RCAN1: variants seen among roughly 807,000 people sequenced by gnomAD.
The protein encoded by RCAN1 is regulator of calcineurin 1.
RCAN1 carries 11 observed loss-of-function variants against 22.9 expected under a neutral mutation model. The observed-to-expected ratio is 0.48, with a 90% CI of 0.30 to 0.79. RCAN1 has a LOEUF of 0.79. Ranked by LOEUF, RCAN1 falls within the 30% of genes least tolerant of loss-of-function variation. The pLI is 0.06. For synonymous variants in RCAN1, 136 were observed against 142.3 expected, an observed-to-expected ratio of 0.96 and a Z score of 0.32; for missense variants, 291 against 337.8, an observed-to-expected ratio of 0.86 and a Z score of 1.09.
chr21:34,589,710 G>GC (rs1555870161), intron 1 of RCAN1, among the ~76,000 whole-genome samples: 6 of 45,488 alleles, frequency 1.3e-4, no homozygotes, highest in Admixed American at 2.4e-4. Flanking sequence ...GAGAACAAAA[G>GC]GGGGGAGTCT....
intron 1 of RCAN1, among the ~76,000 whole-genome samples, chr21:34,592,624 C>T (rs149544683): frequency 4.0e-4 from 61 of 152,268 alleles, no homozygotes; most frequent in African/African-American, 1.4e-3. Context: ...TACTCTACGC[C>T]GGGACTCCAG....
intron 1 of RCAN1, among the ~76,000 whole-genome samples, chr21:34,549,148 T>C (rs1402372522): frequency 6.6e-6 from 1 of 152,128 alleles, no homozygotes; most frequent in Non-Finnish European, 1.5e-5. Flanking sequence ...GGCGTGTCTC[T>C]GGCCAGGGAC....
intron 1 of RCAN1, among the ~76,000 whole-genome samples, chr21:34,533,730 G>A (rs1051562823): frequency 5.3e-5 from 8 of 152,212 alleles, no homozygotes; most frequent in African/African-American, 9.7e-5. Context: ...AGAGCAGCGC[G>A]GAGGGGCAGA....
chr21:34,582,523 A>G (rs1987650441), intron 1 of RCAN1, among the ~76,000 whole-genome samples: 1 of 152,208 alleles, frequency 6.6e-6, no homozygotes, highest in South Asian at 2.1e-4. Context: ...GCTTTGAGGA[A>G]GGGACCACAC....
At chr21:34,535,336 T>C (rs1357879928) in intron 1 of RCAN1, among the ~76,000 whole-genome samples, 1 of 152,138 alleles carries the variant, frequency 6.6e-6, no homozygotes, top group Non-Finnish European at 1.5e-5. Flanking sequence ...TTTCTCTTAG[T>C]ATTGCTCTCT....
chr21:34,550,666 T>C (rs1432122468), intron 1 of RCAN1, among the ~76,000 whole-genome samples: 3 of 152,180 alleles, frequency 2.0e-5, no homozygotes, highest in Middle Eastern at 3.2e-3. Context: ...ACCCAGTCTG[T>C]AGTATTCATC....
intron 1 of RCAN1, among the ~76,000 whole-genome samples, chr21:34,580,496 T>C (rs964057985): frequency 6.6e-6 from 1 of 152,226 alleles, no homozygotes; most frequent in Non-Finnish European, 1.5e-5. Context: ...ACAGCTCACT[T>C]GCCCGGCTAT....
At position 34,539,281 on chromosome 21, in the gene RCAN1, C is replaced by T. The variant is rs190452393; in HGVS notation, c.253-15571G>A. On this transcript the variant is annotated intron_variant, in intron 1 of 3. Coordinates refer to ENST00000313806, the MANE Select transcript of RCAN1 (RefSeq NM_004414.7). The stretch of plus-strand genomic sequence containing the variant: ...TATGTAAATAAAATACATCAAGATC[C>T]GTGATCAGATAATATACATGCTAAA... Among the ~76,000 whole-genome samples, 11 of 152,148 alleles carry T rather than the reference C, an allele frequency of 7.2e-5. No individual in the cohort carries two copies. In the East Asian group the frequency reaches 1.7e-3, roughly 24 times the overall value.
At chr21:34,527,711 T>C (rs1985152847) in intron 1 of RCAN1, among the ~76,000 whole-genome samples, 1 of 152,172 alleles carries the variant, frequency 6.6e-6, no homozygotes, top group Non-Finnish European at 1.5e-5. Context: ...GAGGTTGCAA[T>C]TTTTTGAATT....
chr21:34,572,244 T>G (rs746280317), intron 1 of RCAN1, among the ~76,000 whole-genome samples: 21 of 152,182 alleles, frequency 1.4e-4, no homozygotes, highest in Non-Finnish European at 3.1e-4. Flanking sequence ...GAGGACTAGG[T>G]TGTCCGAGGG....
chr21:34,557,225 A>T (rs9979743), intron 1 of RCAN1, among the ~76,000 whole-genome samples: 33,117 of 152,102 alleles, frequency 0.22, 3,934 homozygotes, highest in African/African-American at 0.28. Context: ...AAAATAAAAT[A>T]AAATTAAATT....
intron 1 of RCAN1, among the ~76,000 whole-genome samples, chr21:34,587,845 G>C (rs970328185): frequency 6.6e-6 from 1 of 152,150 alleles, no homozygotes; most frequent in Admixed American, 6.5e-5. Flanking sequence ...CAGGTGTTTT[G>C]AGATGCGATT....
intron 1 of RCAN1, among the ~76,000 whole-genome samples, chr21:34,585,169 A>G (rs549058519): frequency 2.0e-4 from 30 of 152,350 alleles, no homozygotes; most frequent in Admixed American, 7.8e-4. Context: ...ATAATCACTT[A>G]CTTTGGTGAT....
intron 1 of RCAN1, among the ~76,000 whole-genome samples, chr21:34,539,637 C>T (rs1188676768): frequency 6.6e-6 from 1 of 152,150 alleles, no homozygotes; most frequent in Non-Finnish European, 1.5e-5. Context: ...TTAACAGACA[C>T]AATATGTAAG....
chr21:34,548,186 C>T (rs1476574994), intron 1 of RCAN1, among the ~76,000 whole-genome samples: 1 of 152,194 alleles, frequency 6.6e-6, no homozygotes, highest in Non-Finnish European at 1.5e-5. Context: ...AGCTTTGGAA[C>T]CAGGATTCTG....
chr21:34,548,712 T>C (rs977716424), intron 1 of RCAN1, among the ~76,000 whole-genome samples: 1 of 152,224 alleles, frequency 6.6e-6, no homozygotes, highest in African/African-American at 2.4e-5. Context: ...ACATTATTCA[T>C]GATAATTTAA....
chr21:34,551,258 A>G (rs1401578350), intron 1 of RCAN1, among the ~76,000 whole-genome samples: 1 of 152,114 alleles, frequency 6.6e-6, no homozygotes, highest in Admixed American at 6.5e-5. Context: ...GATGGTGTGT[A>G]TGAAGGTCTG....
intron 1 of RCAN1, among the ~76,000 whole-genome samples, chr21:34,532,760 T>C (rs1483099426): frequency 6.6e-6 from 1 of 152,174 alleles, no homozygotes; most frequent in African/African-American, 2.4e-5. Context: ...ACATGATAGA[T>C]ATGATTGTAG....
At chr21:34,597,602 G>A (rs2300391) in intron 1 of RCAN1, among the ~76,000 whole-genome samples, 44,175 of 152,110 alleles carry the variant, frequency 0.29, 6,608 homozygotes, top group South Asian at 0.37. Flanking sequence ...GATACCTGAA[G>A]GTGAGATAAA....
Sources: gnomAD v4.1 joint callset for allele counts (sites outside exome capture counted in the v4.1 genomes callset) on GRCh38, gnomAD v4.1.1 for gene constraint, MANE v1.5 for transcripts, NCBI Gene and HGNC (gene_info 2026-07-23, HGNC 2026-07-21) for gene names.